ITPKB: variants seen among roughly 807,000 people sequenced by gnomAD.
The protein encoded by ITPKB is inositol-trisphosphate 3-kinase B, also known as IP3 3-kinase B.
Under a neutral mutation model 69.4 loss-of-function variants are expected in ITPKB, and 13 were observed. The observed-to-expected ratio is 0.19, with a 90% CI of 0.12 to 0.30. ITPKB has a LOEUF of 0.30. ITPKB is among the 10% of genes least tolerant of loss of function. The probability of loss-of-function intolerance (pLI) is 1.00; values close to 1 mark genes in which losing one functional copy is unlikely to be tolerated. For missense variants in ITPKB, 1,240 were observed against 1,250.5 expected, an observed-to-expected ratio of 0.99 and a Z score of 0.13; for synonymous variants, 584 against 513.7, an observed-to-expected ratio of 1.14 and a Z score of -1.85.
intron 2 of ITPKB, among the ~76,000 whole-genome samples, chr1:226,709,417 G>A (rs561589699): frequency 1.3e-5 from 2 of 152,172 alleles, no homozygotes; most frequent in East Asian, 1.9e-4. Context: ...CCAGGTCTCC[G>A]ATGGGTCTAG....
chr1:226,704,938 T>TA lies in ITPKB; in HGVS notation c.1932+30588dup, dbSNP rs199809866. On this transcript the variant is annotated intron_variant, in intron 2 of 7. Transcript: ENST00000429204. ...AGTACTGGCAAAAGCTTGTACTTTT[T>TA]AAAAGAATCACAGCATTGCTCTTGC... is the stretch of plus-strand genomic sequence containing the variant. 7.2e-4 allele frequency among the ~76,000 whole-genome samples: 109 copies of TA among 152,342 alleles called. 1 individual carries two copies. In the East Asian group the frequency reaches 0.017, roughly 24 times the overall value.
chr1:226,640,006 G>A (rs1448013278), intron 5 of ITPKB, among the ~76,000 whole-genome samples: 1 of 152,170 alleles, frequency 6.6e-6, no homozygotes, highest in Non-Finnish European at 1.5e-5. Context: ...CAAGAGAGAG[G>A]GTCGGCCTCG....
Position 226,735,982 on chromosome 1 carries a change from A to G in ITPKB, c.1477T>C (p.Cys493Arg). The change falls in exon 2 of 8, where the codon TGC (cysteine) becomes CGC (arginine). Residue 493 changes from cysteine (C) to arginine (R), a missense_variant. Cys to Arg is a radical substitution (Grantham distance 180). Around this residue, in one of 2 missense-constraint regions of ITPKB, gnomAD observed 992 missense variants for 853.8 expected, o/e 1.16. Transcript: ENST00000429204. Reference protein sequence around the residue: ...DAAKDLKEPQCPPGDRVGVQP... With the variant: ...DAAKDLKEPQRPPGDRVGVQP... ...ACACCCACCCTGTCCCCAGGAGGGC[A>G]CTGAGGTTCTTTCAGATCTTTCGCA... The G allele has an allele frequency of 6.2e-7, 1 of 1,613,930 alleles. No homozygotes were observed. Among genetic ancestry groups the G allele is most frequent in the Non-Finnish European group, 8.5e-7 (1 of 1,179,982 alleles).
intron 2 of ITPKB, among the ~76,000 whole-genome samples, chr1:226,699,588 A>AT (rs1261464412): frequency 1.3e-5 from 2 of 152,270 alleles, no homozygotes; most frequent in African/African-American, 4.8e-5. Flanking sequence ...AAAATATTCA[A>AT]ACCACTTAGA....
chr1:226,736,566 G>T lies in ITPKB; in HGVS notation c.893C>A (p.Ala298Asp), dbSNP rs1453604994. 6.2e-7 allele frequency: 1 copy of T among 1,613,866 alleles called. No homozygotes were observed. The highest frequency in any genetic ancestry group is 1.1e-5 in the South Asian group (1 of 91,094). The change falls in exon 2 of 8, where the codon GCT becomes GAT. Residue 298 changes from alanine to aspartate, a missense_variant. Around this residue, in one of 2 missense-constraint regions of ITPKB, gnomAD observed 992 missense variants for 853.8 expected, o/e 1.16. Coordinates refer to ENST00000429204, the MANE Select transcript of ITPKB (RefSeq NM_002221.4). Reference sequence around the variant, plus strand: ...CACTTCCGTGGCCATCGTTAAGCTAGCTCCGAACAGCCCCAATGAGGGAGC... The same window carrying T: ...CACTTCCGTGGCCATCGTTAAGCTATCTCCGAACAGCCCCAATGAGGGAGC... ...CLAPSLGLFG[A>D]SLTMATEVAA...
chr1:226,686,990 G>A (rs1193238681), intron 2 of ITPKB, among the ~76,000 whole-genome samples: 1 of 152,224 alleles, frequency 6.6e-6, no homozygotes, highest in Non-Finnish European at 1.5e-5. Flanking sequence ...AGGCTGGGAT[G>A]CTATAATCTG....
At position 226,738,755 on chromosome 1, in the gene ITPKB, G is replaced by A. The variant is rs1003347586; in HGVS notation, c.-206+286C>T. ...AGCCTCGCCCGGCGCCAGCAGAGCC[G>A]CCCCGAGACCCCAGCCTGGGGACTC... On this transcript the variant is annotated intron_variant, in intron 1 of 7. Coordinates refer to ENST00000429204, the MANE Select transcript of ITPKB (RefSeq NM_002221.4). This position sits in a 1 kb window ranked among gnomAD's most constrained non-coding sequence, Gnocchi z 4.2. 3.3e-5 allele frequency among the ~76,000 whole-genome samples: 5 copies of A among 152,156 alleles called. No homozygotes were observed. Among genetic ancestry groups the A allele is most frequent in the Admixed American group, 6.5e-5 (1 of 15,282 alleles).
rs371379534 is a variant in ITPKB at position 226,729,028 on chromosome 1, T to C, written c.1932+6499A>G. Among the ~76,000 whole-genome samples, 49 of 152,340 alleles carry C rather than the reference T, an allele frequency of 3.2e-4. 1 individual carries two copies. The South Asian group carries it at 1.0e-2, about 31-fold the overall frequency. On this transcript the variant is annotated intron_variant, in intron 2 of 7. Transcript: ENST00000429204. ...ATTCACCCATTCCTTTAACAAATGC[T>C]TTAAAAGCATGCACTGTGTTCAAAG...
At position 226,736,786 on chromosome 1, in the gene ITPKB, G is replaced by C. The variant is rs1657789130; in HGVS notation, c.673C>G (p.Leu225Val). The change falls in exon 2 of 8, where the codon CTA (leucine) becomes GTA (valine). Residue 225 changes from leucine to valine, a missense_variant. Physicochemically the swap from Leu to Val is conservative, Grantham distance 32. This residue lies in a region of ITPKB where 992 missense variants were observed against 853.8 expected (regional missense o/e 1.16). Transcript: ENST00000429204. ...CCTTTCTTCACCTGCGAGGAGCATA[G>C]GCTGGGCCCTCCTTTCCTCCCGGAG... is the stretch of plus-strand genomic sequence containing the variant. ...TDSGRKGGPS[L>V]CSSQVKKGMP... 6.2e-7 allele frequency: 1 copy of C among 1,613,094 alleles called. No homozygotes were observed. The highest frequency in any genetic ancestry group is 2.2e-5 in the East Asian group (1 of 44,858).
At chr1:226,725,372 C>G (rs1017002254) in intron 2 of ITPKB, among the ~76,000 whole-genome samples, 2 of 152,220 alleles carry the variant, frequency 1.3e-5, no homozygotes, top group African/African-American at 2.4e-5. Context: ...AATCCAGCTC[C>G]GTGGAAAAGG....
At chr1:226,731,093 G>A (rs1361514483) in intron 2 of ITPKB, among the ~76,000 whole-genome samples, 2 of 152,170 alleles carry the variant, frequency 1.3e-5, no homozygotes, top group Non-Finnish European at 2.9e-5. Flanking sequence ...AATGTTTTAA[G>A]CTGGCTGAAT....
intron 2 of ITPKB, among the ~76,000 whole-genome samples, chr1:226,722,721 G>A (rs985256334): frequency 6.6e-6 from 1 of 152,196 alleles, no homozygotes; most frequent in African/African-American, 2.4e-5. Flanking sequence ...ATCCTGCAAA[G>A]GGCAGAAAGA....
At chr1:226,654,554 TAA>T in intron 2 of ITPKB, among the ~76,000 whole-genome samples, 1 of 152,302 alleles carries the variant, frequency 6.6e-6, no homozygotes. Context: ...CACAGAGCCA[TAA>T]AACAGACCCA....
At chr1:226,708,311 C>CA (rs1449608263) in intron 2 of ITPKB, among the ~76,000 whole-genome samples, 1 of 152,070 alleles carries the variant, frequency 6.6e-6, no homozygotes, top group African/African-American at 2.4e-5. Flanking sequence ...CCAAAAAGAA[C>CA]AAAAAATAAA....
Position 226,685,873 on chromosome 1 carries a change from G to T in ITPKB, c.1933-37102C>A, listed in dbSNP as rs143825688. Among the ~76,000 whole-genome samples, 235 of 152,328 alleles carry T rather than the reference G, an allele frequency of 1.5e-3. 5 individuals are homozygous for T. In the East Asian group the frequency reaches 0.036, roughly 23 times the overall value. On this transcript the variant is annotated intron_variant, in intron 2 of 7. Transcript: ENST00000429204. ...GGGAAATGAAGCGGCTGGCTGCTGG[G>T]TGCCGCGGTGAGCTGTGGGGCAGCA...
Position 226,649,461 on chromosome 1 carries a change from T to C in ITPKB, c.1933-690A>G, listed in dbSNP as rs755702798. On this transcript the variant is annotated intron_variant, in intron 2 of 7. Transcript: ENST00000429204. The stretch of plus-strand genomic sequence containing the variant: ...TGTGTGCGTGTGTGTGCATGTGTGA[T>C]ATGTGCATGTATGTGCATATGTGTG... 2.7e-5 allele frequency among the ~76,000 whole-genome samples: 4 copies of C among 150,346 alleles called. No individual in the cohort carries two copies. The East Asian group carries it at 5.9e-4, about 22-fold the overall frequency.
At chr1:226,717,078 T>C (rs1027445911) in intron 2 of ITPKB, among the ~76,000 whole-genome samples, 27 of 152,292 alleles carry the variant, frequency 1.8e-4, no homozygotes, top group African/African-American at 6.3e-4. Flanking sequence ...TTCATGTATA[T>C]CACCGGGCAG....
chr1:226,730,196 C>T (rs1657548618), intron 2 of ITPKB, among the ~76,000 whole-genome samples: 1 of 152,134 alleles, frequency 6.6e-6, no homozygotes, highest in Non-Finnish European at 1.5e-5. Context: ...TCAGATGGAC[C>T]AGACCCATGG....
intron 1 of ITPKB, among the ~76,000 whole-genome samples, 175 bp from the exon 2 acceptor site, chr1:226,737,838 C>G (rs908615095): frequency 6.6e-6 from 1 of 152,126 alleles, no homozygotes; most frequent in African/African-American, 2.4e-5. Context: ...CCGGCTGCCT[C>G]GGTCGCCAGC....
Sources: allele counts gnomAD v4.1 joint callset (sites outside exome capture counted in the v4.1 genomes callset), GRCh38; gene constraint gnomAD v4.1.1; regional missense constraint gnomAD v4.1.1; non-coding constraint Gnocchi (gnomAD v3.1); transcripts MANE v1.5; gene names NCBI Gene and HGNC (gene_info 2026-07-23, HGNC 2026-07-21).